The following NKAIN3 variants were observed in gnomAD, a reference collection of about 807,000 sequenced individuals.
The protein encoded by NKAIN3 is sodium/potassium-transporting ATPase subunit beta-1-interacting protein 3.
NKAIN3 carries 25 observed loss-of-function variants against 30.2 expected under a neutral mutation model. That is an observed-to-expected ratio of 0.83 (90% CI 0.60 to 1.16). The LOEUF is 1.16. NKAIN3 is among the 50% of genes most tolerant of loss of function. The probability of loss-of-function intolerance (pLI) is 0.00; values close to 1 mark genes in which losing one functional copy is unlikely to be tolerated. For synonymous variants in NKAIN3, 91 were observed against 89.6 expected (o/e 1.02, Z -0.09); for missense variants, 225 against 254.1 (o/e 0.89, Z 0.78).
chr8:62,498,050 T>C (rs952244577), intron 1 of NKAIN3, among the ~76,000 whole-genome samples: 2 of 152,154 alleles, frequency 1.3e-5, no homozygotes, highest in African/African-American at 4.8e-5. Flanking sequence ...GTACATTGAT[T>C]ATGTTTGTAG....
At chr8:62,264,058 G>A (rs1023383076) in intron 1 of NKAIN3, among the ~76,000 whole-genome samples, 2 of 152,136 alleles carry the variant, frequency 1.3e-5, no homozygotes, top group East Asian at 1.9e-4. Context: ...TTTAAACAAA[G>A]GAATATGATA....
At chr8:62,290,071 G>C (rs914897962) in intron 1 of NKAIN3, among the ~76,000 whole-genome samples, 6 of 152,206 alleles carry the variant, frequency 3.9e-5, no homozygotes, top group African/African-American at 1.2e-4. Flanking sequence ...AGGAATGCTT[G>C]TGATTTTTGC....
intron 1 of NKAIN3, among the ~76,000 whole-genome samples, chr8:62,328,071 A>G (rs1815204046): frequency 6.6e-6 from 1 of 152,112 alleles, no homozygotes; most frequent in Non-Finnish European, 1.5e-5. Context: ...ATACTGATCC[A>G]TATATTATGC....
At chr8:62,745,269 G>C (rs1816031071) in intron 3 of NKAIN3, among the ~76,000 whole-genome samples, 1 of 152,226 alleles carries the variant, frequency 6.6e-6, no homozygotes, top group Non-Finnish European at 1.5e-5. Context: ...ACTGACGTGT[G>C]TCAGTTGTGC....
At chr8:62,300,959 T>C (rs193018995) in intron 1 of NKAIN3, among the ~76,000 whole-genome samples, 14 of 152,220 alleles carry the variant, frequency 9.2e-5, no homozygotes, top group African/African-American at 2.9e-4. Context: ...AAACAAAATA[T>C]ACATTATAAT....
At chr8:62,629,968 G>A (rs1400890283) in intron 3 of NKAIN3, among the ~76,000 whole-genome samples, 2 of 152,010 alleles carry the variant, frequency 1.3e-5, no homozygotes, top group Non-Finnish European at 2.9e-5. Flanking sequence ...CCAGTTACCT[G>A]TGGTCAAATG....
intron 6 of NKAIN3, among the ~76,000 whole-genome samples, chr8:62,958,392 T>C (rs10100456): frequency 0.79 from 119,579 of 151,888 alleles, 48,080 homozygotes; most frequent in East Asian, 0.98. Context: ...CCACAACTGC[T>C]ATCGAGGGAG....
intron 5 of NKAIN3, among the ~76,000 whole-genome samples, chr8:62,924,974 G>A (rs888688095): frequency 1.2e-4 from 18 of 152,028 alleles, no homozygotes; most frequent in Admixed American, 8.5e-4. Flanking sequence ...ACACCATCAC[G>A]CTGGGGATTA....
intron 1 of NKAIN3, among the ~76,000 whole-genome samples, chr8:62,277,231 T>A (rs1368307277): frequency 6.6e-6 from 1 of 152,158 alleles, no homozygotes; most frequent in Non-Finnish European, 1.5e-5. Context: ...GGGTAGGAAA[T>A]TATATAAGTA....
chr8:62,705,789 A>G (rs1011000800), intron 3 of NKAIN3, among the ~76,000 whole-genome samples: 1 of 152,068 alleles, frequency 6.6e-6, no homozygotes, highest in African/African-American at 2.4e-5. Flanking sequence ...CATTAAAGCA[A>G]CCTGTTCATG....
At chr8:62,368,354 A>G (rs1816801743) in intron 1 of NKAIN3, among the ~76,000 whole-genome samples, 2 of 152,208 alleles carry the variant, frequency 1.3e-5, no homozygotes, top group African/African-American at 2.4e-5. Flanking sequence ...ACAATAACAT[A>G]TACAACAGTA....
intron 3 of NKAIN3, among the ~76,000 whole-genome samples, chr8:62,649,980 T>C (rs888373425): frequency 2.0e-5 from 3 of 152,102 alleles, no homozygotes; most frequent in Non-Finnish European, 4.4e-5. Context: ...TTTTATTAAA[T>C]ATAGATTCAT....
At chr8:62,325,210 G>A (rs78861512) in intron 1 of NKAIN3, among the ~76,000 whole-genome samples, 2,983 of 152,050 alleles carry the variant, frequency 0.02, 97 homozygotes, top group African/African-American at 0.066. Flanking sequence ...TAACTTCCAT[G>A]TAGAAGTAAT....
At chr8:62,251,319 A>G (rs1812095416) in intron 1 of NKAIN3, among the ~76,000 whole-genome samples, 3 of 152,128 alleles carry the variant, frequency 2.0e-5, no homozygotes. Flanking sequence ...AGCATACAAG[A>G]TAATCTTCTC....
At position 62,635,219 on chromosome 8, in the gene NKAIN3, A is replaced by G. The variant is rs140970299; in HGVS notation, c.273+45425A>G. ...AGGAAACACCTGAAAAATATTTTAAATGCTCTAAATACATGCCTTGCTACA... is the reference window on the plus strand; with the variant it reads ...AGGAAACACCTGAAAAATATTTTAAGTGCTCTAAATACATGCCTTGCTACA... On this transcript the variant is annotated intron_variant, in intron 3 of 6. Coordinates refer to ENST00000623646, the MANE Select transcript of NKAIN3 (RefSeq NM_001304533.3). Among the ~76,000 whole-genome samples, 167 of 152,298 alleles carry G rather than the reference A, an allele frequency of 1.1e-3. 1 individual carries two copies. The highest frequency in any genetic ancestry group is 3.4e-3 in the Admixed American group (52 of 15,298).
chr8:62,880,684 A>C (rs1412792245), intron 4 of NKAIN3, among the ~76,000 whole-genome samples: 1 of 152,230 alleles, frequency 6.6e-6, no homozygotes, highest in Non-Finnish European at 1.5e-5. Flanking sequence ...TATGACAAAG[A>C]CAACACAGGA....
chr8:62,503,621 T>C (rs1268588438), intron 1 of NKAIN3, among the ~76,000 whole-genome samples: 1 of 152,006 alleles, frequency 6.6e-6, no homozygotes, highest in Admixed American at 6.6e-5. Context: ...AGCAGCCGTC[T>C]ATGGACCTTC....
At chr8:62,903,635 C>T (rs923771888) in intron 4 of NKAIN3, among the ~76,000 whole-genome samples, 2 of 152,124 alleles carry the variant, frequency 1.3e-5, no homozygotes, top group South Asian at 4.1e-4. Context: ...TTGATAAGCC[C>T]TCTAGAATAA....
intron 3 of NKAIN3, among the ~76,000 whole-genome samples, chr8:62,729,536 C>T (rs1335035554): frequency 2.0e-5 from 3 of 152,048 alleles, no homozygotes; most frequent in Non-Finnish European, 2.9e-5. Flanking sequence ...CACTTGTGTC[C>T]GCATAAAAAC....
Sources: gnomAD v4.1 joint callset for allele counts (sites outside exome capture counted in the v4.1 genomes callset) on GRCh38, gnomAD v4.1.1 for gene constraint, MANE v1.5 for transcripts, NCBI Gene and HGNC (gene_info 2026-07-23, HGNC 2026-07-21) for gene names.